The following ZNF292 variants were observed in gnomAD, a reference collection of about 807,000 sequenced individuals.
The protein encoded by ZNF292 is zinc finger protein 292.
A neutral mutation model predicts 217.9 loss-of-function variants in ZNF292; 26 were observed. The ratio of observed to expected loss-of-function variants is 0.12; its 90% confidence interval spans 0.09 to 0.17. The LOEUF is 0.17. Ranked by LOEUF, ZNF292 falls within the 10% of genes least tolerant of loss-of-function variation. The pLI, the probability that ZNF292 is intolerant of heterozygous loss-of-function variation, is 1.00. For missense variants in ZNF292, 2,904 were observed against 3,175.2 expected, an observed-to-expected ratio of 0.91 and a Z score of 2.05; for synonymous variants, 1,257 against 1,124.1, an observed-to-expected ratio of 1.12 and a Z score of -2.37.
intron 1 of ZNF292, among the ~76,000 whole-genome samples, chr6:87,210,251 G>GA (rs1160444485): frequency 1.3e-5 from 2 of 151,954 alleles, no homozygotes; most frequent in Non-Finnish European, 2.9e-5. Flanking sequence ...GGCTCTTAAA[G>GA]AAAAAAATTT....
chr6:87,245,769 C>T, intron 7 of ZNF292, 125 bp downstream of exon 7: 1 of 612,298 alleles, frequency 1.6e-6, no homozygotes, highest in Non-Finnish European at 2.6e-6. Flanking sequence ...GTCCTTTGAA[C>T]ATTTTCTTGT....
Position 87,178,854 on chromosome 6 carries a change from C to T in ZNF292, c.168+23095C>T, listed in dbSNP as rs138139674. Among the ~76,000 whole-genome samples the T allele has an allele frequency of 6.9e-4, 105 of 152,176 alleles. 2 individuals are homozygous for T. The East Asian group carries it at 0.012, about 18-fold the overall frequency. On this transcript the variant is annotated intron_variant, in intron 1 of 7. Coordinates refer to ENST00000369577, the MANE Select transcript of ZNF292 (RefSeq NM_015021.3). Reference sequence around the variant, plus strand: ...TACTAAAGGAATTTGTGAAAGAAAACTTGAATCTTTTGAAACTAAGTTTCA... The same window carrying T: ...TACTAAAGGAATTTGTGAAAGAAAATTTGAATCTTTTGAAACTAAGTTTCA...
chr6:87,256,426 A>C lies in ZNF292; in HGVS notation c.2797A>C (p.Ser933Arg). Reference sequence around the variant, plus strand: ...TGCTACTACTCCTCTACTTCAATCCAGTGAAGTAGCTGTGTCCATTAAGGT... The same window carrying C: ...TGCTACTACTCCTCTACTTCAATCCCGTGAAGTAGCTGTGTCCATTAAGGT... ...NPATTPLLQS[S>R]EVAVSIKVSL... Residue 933 changes from serine (S) to arginine (R), a missense_variant, in exon 8 of 8, where the codon AGT becomes CGT. Coordinates refer to ENST00000369577, the MANE Select transcript of ZNF292 (RefSeq NM_015021.3). 2 of 1,607,096 alleles carry C rather than the reference A, an allele frequency of 1.2e-6. No individual in the cohort carries two copies. Among genetic ancestry groups the C allele is most frequent in the Non-Finnish European group, 1.7e-6 (2 of 1,179,778 alleles).
intron 1 of ZNF292, among the ~76,000 whole-genome samples, chr6:87,191,126 T>C (rs1362823186): frequency 6.6e-6 from 1 of 152,204 alleles, no homozygotes; most frequent in East Asian, 1.9e-4. Context: ...ATCAGTGTAT[T>C]CAAAGCTACT....
At chr6:87,203,020 T>C (rs1322013714) in intron 1 of ZNF292, among the ~76,000 whole-genome samples, 1 of 152,046 alleles carries the variant, frequency 6.6e-6, no homozygotes, top group Non-Finnish European at 1.5e-5. Context: ...TTGGAATTTA[T>C]CCCCCATGAA....
At chr6:87,168,512 C>G (rs1329439510) in intron 1 of ZNF292, among the ~76,000 whole-genome samples, 1 of 152,128 alleles carries the variant, frequency 6.6e-6, no homozygotes, top group Admixed American at 6.5e-5. Context: ...TCGCTCTTGT[C>G]AGGCTGGAGT....
chr6:87,245,725 T>C (rs1423268224), intron 7 of ZNF292, 81 bp downstream of exon 7: 2 of 951,912 alleles, frequency 2.1e-6, no homozygotes, highest in African/African-American at 1.7e-5. Context: ...TGATTTTGGC[T>C]CCCTTTTCAG....
At chr6:87,188,034 T>C (rs1771715990) in intron 1 of ZNF292, among the ~76,000 whole-genome samples, 1 of 152,196 alleles carries the variant, frequency 6.6e-6, no homozygotes, top group Admixed American at 6.6e-5. Context: ...TGTCTCAATT[T>C]TGAAATATTG....
In ZNF292 at chr6:87,176,456, G is replaced by A. The variant is rs1771296657; in HGVS notation, c.168+20697G>A. On this transcript the variant is annotated intron_variant, in intron 1 of 7. Transcript: ENST00000369577. ...AATAGCGAGGGCACCTCTGGAATGAGGGTCTTATGACTTACTTTAGGGGAA... is the reference window on the plus strand; with the variant it reads ...AATAGCGAGGGCACCTCTGGAATGAAGGTCTTATGACTTACTTTAGGGGAA... Among the ~76,000 whole-genome samples, 5 of 152,216 alleles carry A rather than the reference G, an allele frequency of 3.3e-5. 1 individual carries two copies. The South Asian group carries it at 1.0e-3, about 32-fold the overall frequency.
At chr6:87,203,936 G>C (rs1772168584) in intron 1 of ZNF292, among the ~76,000 whole-genome samples, 1 of 152,168 alleles carries the variant, frequency 6.6e-6, no homozygotes, top group African/African-American at 2.4e-5. Flanking sequence ...AGCCTAAGCA[G>C]AGTGAGGAGG....
At chr6:87,176,199 A>G (rs1771286039) in intron 1 of ZNF292, among the ~76,000 whole-genome samples, 1 of 152,252 alleles carries the variant, frequency 6.6e-6, no homozygotes, top group Non-Finnish European at 1.5e-5. Context: ...TTATTTAATA[A>G]AAGTTTCACA....
chr6:87,253,564 TTTTC>T (rs1303888299), intron 7 of ZNF292, among the ~76,000 whole-genome samples: 1 of 152,070 alleles, frequency 6.6e-6, no homozygotes, highest in Non-Finnish European at 1.5e-5. Context: ...CTCTTCATAC[TTTTC>T]TTTCTATTCA....
chr6:87,227,550 T>G (rs528692326), intron 4 of ZNF292, among the ~76,000 whole-genome samples: 1 of 152,286 alleles, frequency 6.6e-6, no homozygotes, highest in Admixed American at 6.5e-5. Context: ...CTTTTTCATC[T>G]TGAACCCCAA....
At chr6:87,165,906 C>T (rs937123914) in intron 1 of ZNF292, among the ~76,000 whole-genome samples, 2 of 152,042 alleles carry the variant, frequency 1.3e-5, no homozygotes, top group African/African-American at 4.8e-5. Flanking sequence ...TACAGGCAGG[C>T]ACCACCAAGC....
chr6:87,246,324 CATT>C (rs1203904703), intron 7 of ZNF292, among the ~76,000 whole-genome samples: 3 of 152,170 alleles, frequency 2.0e-5, no homozygotes, highest in Non-Finnish European at 4.4e-5. Context: ...GGGAAGATTA[CATT>C]ATCTGAAATT....
At chr6:87,190,218 A>G (rs1326902697) in intron 1 of ZNF292, among the ~76,000 whole-genome samples, 2 of 152,246 alleles carry the variant, frequency 1.3e-5, no homozygotes, top group South Asian at 4.1e-4. Flanking sequence ...TATCCTTGCT[A>G]ACCATAATAC....
In ZNF292 at chr6:87,259,617, T is replaced by C; in HGVS notation, c.5988T>C (p.Asn1996=). 1 of 1,580,854 alleles carries C rather than the reference T, an allele frequency of 6.3e-7. No individual in the cohort carries two copies. ...ATGGAAGAAAATCTCAGAGTGAAAA[T>C]GTGCCGGCCTCACGAAGTACACAAG... is the stretch of plus-strand genomic sequence containing the variant. ...RPYGRKSQSE[N]VPASRSTQVK... Residue 1996 remains asparagine (N), a synonymous_variant, in exon 8 of 8, where the codon AAT becomes AAC. Transcript: ENST00000369577.
At position 87,260,130 on chromosome 6, in the gene ZNF292, A is replaced by C. The variant is rs762420388; in HGVS notation, c.6501A>C (p.Gln2167His). The C allele has an allele frequency of 6.2e-7, 1 of 1,613,342 alleles. No homozygotes were observed. Among genetic ancestry groups the C allele is most frequent in the Non-Finnish European group, 8.5e-7 (1 of 1,179,594 alleles). ...AAAGTGAAGAAACTGAAACTAAACA[A>C]ACTTTGAAAGAATTTCGATGTCAGG... ...GKESEETETK[Q>H]TLKEFRCQVS... Residue 2167 changes from glutamine (Q) to histidine (H), a missense_variant, in exon 8 of 8, where the codon CAA becomes CAC. Around this residue, in one of 15 missense-constraint regions of ZNF292, gnomAD observed 261 missense variants for 272.8 expected, o/e 0.96. Coordinates refer to ENST00000369577, the MANE Select transcript of ZNF292 (RefSeq NM_015021.3).
At chr6:87,190,094 T>TTG (rs1193144346) in intron 1 of ZNF292, among the ~76,000 whole-genome samples, 1 of 152,244 alleles carries the variant, frequency 6.6e-6, no homozygotes, top group Admixed American at 6.5e-5. Context: ...TCCCTAACCT[T>TTG]TGTGTGTGTA....
Sources: allele counts gnomAD v4.1 joint callset (sites outside exome capture counted in the v4.1 genomes callset), GRCh38; gene constraint gnomAD v4.1.1; regional missense constraint gnomAD v4.1.1; transcripts MANE v1.5; gene names NCBI Gene and HGNC (gene_info 2026-07-23, HGNC 2026-07-21).